The following TXNL1 variants were observed in gnomAD, a reference collection of about 807,000 sequenced individuals.
TXNL1 encodes thioredoxin like 1, also known as thioredoxin-like protein 1.
A neutral mutation model predicts 35.5 loss-of-function variants in TXNL1; 14 were observed. The observed-to-expected ratio is 0.39, with a 90% CI of 0.26 to 0.62. The LOEUF (loss-of-function observed/expected upper bound fraction) is 0.62, where lower values mean the gene tolerates loss of function less well. Ranked by LOEUF, TXNL1 falls within the 20% of genes least tolerant of loss-of-function variation. The pLI, the probability that TXNL1 is intolerant of heterozygous loss-of-function variation, is 0.47. For synonymous variants in TXNL1, 110 were observed against 115.5 expected, an observed-to-expected ratio of 0.95 and a Z score of 0.31; for missense variants, 263 against 349.7, an observed-to-expected ratio of 0.75 and a Z score of 1.98.
intron 6 of TXNL1, among the ~76,000 whole-genome samples, chr18:56,612,131 T>C (rs2024006706): frequency 6.6e-6 from 1 of 151,008 alleles, no homozygotes; most frequent in African/African-American, 2.4e-5. Flanking sequence ...CCTCCCAAAG[T>C]GCTGGGATTA....
chr18:56,634,744 T>C (rs1011421362), intron 1 of TXNL1, among the ~76,000 whole-genome samples: 2 of 152,176 alleles, frequency 1.3e-5, no homozygotes, highest in African/African-American at 2.4e-5. Context: ...CTTCATGACA[T>C]TGAATCTTGC....
chr18:56,612,806 AAT>A (rs1389032561), intron 6 of TXNL1, among the ~76,000 whole-genome samples: 1 of 152,208 alleles, frequency 6.6e-6, no homozygotes, highest in Non-Finnish European at 1.5e-5. Flanking sequence ...TACTAAGTTT[AAT>A]ATAACAATTT....
intron 7 of TXNL1, among the ~76,000 whole-genome samples, chr18:56,607,438 T>G (rs1207292464): frequency 6.6e-6 from 1 of 152,096 alleles, no homozygotes; most frequent in Non-Finnish European, 1.5e-5. Flanking sequence ...ATTATAGGCA[T>G]GAGCCACCAT....
At chr18:56,629,156 G>C (rs2024331378) in intron 1 of TXNL1, among the ~76,000 whole-genome samples, 1 of 152,136 alleles carries the variant, frequency 6.6e-6, no homozygotes, top group African/African-American at 2.4e-5. Flanking sequence ...GTAGTATAAG[G>C]AAGTTCAATG....
At chr18:56,622,530 A>G (rs924028497) in intron 3 of TXNL1, among the ~76,000 whole-genome samples, 1 of 152,200 alleles carries the variant, frequency 6.6e-6, no homozygotes, top group African/African-American at 2.4e-5. Context: ...TAATGTCTTG[A>G]TTGACACCTG....
rs2023776621 is a variant in TXNL1, at chr18:56,599,050, G to A, written c.*3977C>T. ...TCCCATAGAGAAGCATAGCAAGCAC[G>A]AAGGAAAAATACTCTAGCAGTTTTA... On this transcript the variant is annotated 3_prime_UTR_variant, in exon 8 of 8. Coordinates refer to ENST00000217515, the MANE Select transcript of TXNL1 (RefSeq NM_004786.3). The A allele has an allele frequency of 6.6e-6, 1 of 152,120 alleles. No individual in the cohort carries two copies. Among genetic ancestry groups the A allele is most frequent in the Admixed American group, 6.6e-5 (1 of 15,266 alleles). 9.4% of individuals were successfully genotyped at this position (152,120 alleles called of 1,614,324 possible). A position where few individuals can be genotyped will look rare whatever the true frequency, so the allele number is the denominator to read the frequency against.
intron 4 of TXNL1, among the ~76,000 whole-genome samples, chr18:56,616,789 G>C (rs555424075): frequency 6.6e-6 from 1 of 152,096 alleles, no homozygotes; most frequent in Non-Finnish European, 1.5e-5. Flanking sequence ...AAGAGAATAG[G>C]GTTCTTATAG....
chr18:56,633,628 A>G (rs1295256610), intron 1 of TXNL1, among the ~76,000 whole-genome samples: 3 of 151,386 alleles, frequency 2.0e-5, no homozygotes. Flanking sequence ...TCAAAAAAAA[A>G]AAAAAAAAAA....
chr18:56,619,462 T>C (rs1458376763), intron 3 of TXNL1, among the ~76,000 whole-genome samples: 2 of 137,406 alleles, frequency 1.5e-5, no homozygotes, highest in Non-Finnish European at 3.0e-5. Flanking sequence ...TTCTTGAACC[T>C]GGGAGGCGGA....
chr18:56,618,214 C>A, intron 3 of TXNL1, 88 bp from the exon 4 acceptor site: 1 of 1,384,238 alleles, frequency 7.2e-7, no homozygotes, highest in South Asian at 1.3e-5. Flanking sequence ...TCTCTTTAGG[C>A]AATTTTAAAG....
At chr18:56,609,554 G>A (rs2023957026) in intron 7 of TXNL1, 1 of 152,018 alleles carries the variant, frequency 6.6e-6, no homozygotes, top group Non-Finnish European at 1.5e-5. Flanking sequence ...GTAAGAAACA[G>A]GAAACTAGAG....
Position 56,635,772 on chromosome 18 carries a change from G to A in TXNL1, c.98+2571C>T, listed in dbSNP as rs558166627. On this transcript the variant is annotated intron_variant, in intron 1 of 7. Transcript: ENST00000217515. ...TGTATAGTCATGTCTGGGTATCTGG[G>A]GGATTAGTTTCAGGACCTCCAGCAA... 5.9e-5 allele frequency among the ~76,000 whole-genome samples: 9 copies of A among 152,212 alleles called. No homozygotes were observed. In the South Asian group the frequency reaches 1.9e-3, roughly 32 times the overall value.
chr18:56,613,390 G>A (rs1468093319), intron 6 of TXNL1, among the ~76,000 whole-genome samples: 1 of 152,134 alleles, frequency 6.6e-6, no homozygotes, highest in Non-Finnish European at 1.5e-5. Flanking sequence ...GGTGAGAAGT[G>A]TGAGCTGGGT....
chr18:56,633,619 CAAAAAAAAAAA>C (rs58501408), intron 1 of TXNL1, among the ~76,000 whole-genome samples: 1 of 91,054 alleles, frequency 1.1e-5, no homozygotes, highest in East Asian at 3.6e-4. Flanking sequence ...GACCCTGTCT[CAAAAAAAAAAA>C]AAAAAAAAAA....
chr18:56,609,265 TA>T (rs1296930810), intron 7 of TXNL1: 1 of 152,250 alleles, frequency 6.6e-6, no homozygotes, highest in Non-Finnish European at 1.5e-5. Context: ...AAATGGCTGT[TA>T]TAAAACAAGC....
chr18:56,615,390 GA>G lies in TXNL1; in HGVS notation c.563-795del, dbSNP rs5825192. Among the ~76,000 whole-genome samples the G allele has an allele frequency of 3.2e-3, 390 of 121,646 alleles. 4 individuals are homozygous for G. In the East Asian group the frequency reaches 0.04, roughly 12 times the overall value. 79.8% of individuals were successfully genotyped at this position (121,646 alleles called of 152,430 possible). On this transcript the variant is annotated intron_variant, in intron 5 of 7. Transcript: ENST00000217515. ...CCTTGGTTATTTCTTCCAATCAATCGAAAAAAAAAAAAAAAATCAGAACCCT... is the reference window on the plus strand; with the variant it reads ...CCTTGGTTATTTCTTCCAATCAATCGAAAAAAAAAAAAAAATCAGAACCCT...
intron 7 of TXNL1, 68 bp from the exon 8 acceptor site, chr18:56,603,124 A>G: frequency 7.4e-7 from 1 of 1,346,430 alleles, no homozygotes; most frequent in Non-Finnish European, 1.1e-6. Flanking sequence ...TAAAAATACT[A>G]ATAATCAGTT....
In TXNL1 at chr18:56,628,001, G is replaced by A. The variant is rs1305059656; in HGVS notation, c.99-1544C>T. Among the ~76,000 whole-genome samples, 4 of 151,974 alleles carry A rather than the reference G, an allele frequency of 2.6e-5. No individual in the cohort carries two copies. In the East Asian group the frequency reaches 5.8e-4, roughly 22 times the overall value. On this transcript the variant is annotated intron_variant, in intron 1 of 7. Transcript: ENST00000217515. ...AACAAAGGACTTATACTTCTAATAC[G>A]TAAAGAACTCCTACAAAACAAGGAG...
chr18:56,622,059 G>T (rs1291013475), intron 3 of TXNL1, among the ~76,000 whole-genome samples: 2 of 150,136 alleles, frequency 1.3e-5, no homozygotes, highest in Non-Finnish European at 3.0e-5. Flanking sequence ...CTAGACCCAT[G>T]CTATTCAATA....
Sources: allele counts gnomAD v4.1 joint callset (sites outside exome capture counted in the v4.1 genomes callset), GRCh38; gene constraint gnomAD v4.1.1; transcripts MANE v1.5; gene names NCBI Gene and HGNC (gene_info 2026-07-23, HGNC 2026-07-21).